DLC1: variants seen among roughly 807,000 people sequenced by gnomAD.
The protein encoded by DLC1 is rho GTPase-activating protein 7.
Under a neutral mutation model 140.3 loss-of-function variants are expected in DLC1, and 54 were observed. That is an observed-to-expected ratio of 0.38 (90% CI 0.31 to 0.48). The LOEUF is 0.48. DLC1 is among the 20% of genes least tolerant of loss of function. The pLI, the probability that DLC1 is intolerant of heterozygous loss-of-function variation, is 0.96. For synonymous variants in DLC1, 986 were observed against 728.1 expected, an observed-to-expected ratio of 1.35 and a Z score of -5.70; for missense variants, 2,536 against 1,907.0, an observed-to-expected ratio of 1.33 and a Z score of -6.14.
chr8:13,517,526 T>C (rs1227211268), upstream of DLC1, among the ~76,000 whole-genome samples: 1 of 152,206 alleles, frequency 6.6e-6, no homozygotes, highest in African/African-American at 2.4e-5. Flanking sequence ...AAATCTCAGA[T>C]CTTATAGTCT....
intron 2 of DLC1, among the ~76,000 whole-genome samples, chr8:13,450,477 G>GAAAAAA: frequency 8.4e-6 from 1 of 118,454 alleles, no homozygotes; most frequent in African/African-American, 3.0e-5. Flanking sequence ...AAAAAAAAAG[G>GAAAAAA]CCGAAGAGAA....
intron 4 of DLC1, among the ~76,000 whole-genome samples, chr8:13,373,772 C>A (rs1014499885): frequency 1.3e-5 from 2 of 152,056 alleles, no homozygotes; most frequent in Admixed American, 1.3e-4. Context: ...TCTTCATGAA[C>A]GTCTTTAAAA....
intron 1 of DLC1, among the ~76,000 whole-genome samples, chr8:13,528,258 T>A (rs1802982691): frequency 6.6e-6 from 1 of 152,146 alleles, no homozygotes; most frequent in Admixed American, 6.5e-5. Flanking sequence ...TTAATTATCA[T>A]CTTGGATAAA....
chr8:13,382,498 T>C (rs1586244486), intron 4 of DLC1, among the ~76,000 whole-genome samples: 1 of 63,928 alleles, frequency 1.6e-5, no homozygotes, highest in South Asian at 6.9e-4. Flanking sequence ...ACAGCGAGAC[T>C]CCGTCTCAAA....
chr8:13,129,919 A>AT (rs1205034526), intron 5 of DLC1, among the ~76,000 whole-genome samples: 1 of 152,068 alleles, frequency 6.6e-6, no homozygotes, highest in African/African-American at 2.4e-5. Context: ...AGGGTCTTTT[A>AT]TTTTTGCATG....
chr8:13,139,105 A>G (rs1452644248), intron 5 of DLC1, among the ~76,000 whole-genome samples: 2 of 151,804 alleles, frequency 1.3e-5, no homozygotes, highest in Admixed American at 6.6e-5. Flanking sequence ...CAACACAAGG[A>G]GACCCCATCT....
At chr8:13,402,504 C>T (rs1386889665) in intron 2 of DLC1, among the ~76,000 whole-genome samples, 2 of 152,214 alleles carry the variant, frequency 1.3e-5, no homozygotes, top group Admixed American at 6.5e-5. Context: ...AAAGCAACAT[C>T]TACAGAGAAA....
At chr8:13,524,524 CA>C (rs990963276) in intron 1 of DLC1, among the ~76,000 whole-genome samples, 6 of 152,006 alleles carry the variant, frequency 3.9e-5, no homozygotes, top group Non-Finnish European at 8.8e-5. Context: ...ATCTATGAAA[CA>C]AAAAATTGTT....
chr8:13,374,551 G>A (rs890747538), intron 4 of DLC1, among the ~76,000 whole-genome samples: 4 of 152,154 alleles, frequency 2.6e-5, no homozygotes, highest in Admixed American at 1.3e-4. Flanking sequence ...GTGGGAGGCC[G>A]AGGCGGGTGG....
At chr8:13,582,279 C>T (rs1264700210) in intron 1 of DLC1, among the ~76,000 whole-genome samples, 1 of 152,050 alleles carries the variant, frequency 6.6e-6, no homozygotes, top group African/African-American at 2.4e-5. Context: ...AAGAAAACAC[C>T]AGTATACTAA....
chr8:13,353,172 T>C (rs1011345686), intron 4 of DLC1, among the ~76,000 whole-genome samples: 4 of 152,164 alleles, frequency 2.6e-5, no homozygotes, highest in African/African-American at 9.7e-5. Context: ...TTAGAGAAGT[T>C]AAACCCAGGT....
intron 4 of DLC1, among the ~76,000 whole-genome samples, chr8:13,369,189 C>G (rs1276178120): frequency 6.6e-6 from 1 of 152,110 alleles, no homozygotes; most frequent in Non-Finnish European, 1.5e-5. Flanking sequence ...TAAGTGCCTA[C>G]AGGCCTAGAG....
In DLC1 at chr8:13,466,935, G is replaced by T. The variant is rs546154514; in HGVS notation, c.1023+32114C>A. 8.2e-5 allele frequency among the ~76,000 whole-genome samples: 9 copies of T among 110,160 alleles called. No individual in the cohort carries two copies. In the East Asian group the frequency reaches 2.3e-3, roughly 28 times the overall value. 72.3% of individuals were successfully genotyped at this position (110,160 alleles called of 152,430 possible). On this transcript the variant is annotated intron_variant, in intron 2 of 17. Transcript: ENST00000276297. ...ATGTCAGAGTCAGTTAACAGTGGTT[G>T]TCTACTATTTCACAAAAAAAAAACC...
rs148362598 is a variant in DLC1, at chr8:13,445,209, T to C, written c.1024-43590A>G. Among the ~76,000 whole-genome samples the C allele has an allele frequency of 1.4e-4, 22 of 152,282 alleles. No individual in the cohort carries two copies. The East Asian group carries it at 4.2e-3, about 29-fold the overall frequency. ...ATGGTTGGATCTTATTGCATGCTCT[T>C]GGTGTCTCAATTTCTGTTCAAAAGT... On this transcript the variant is annotated intron_variant, in intron 2 of 17. Transcript: ENST00000276297.
At chr8:13,308,615 T>C (rs1244913735) in intron 4 of DLC1, among the ~76,000 whole-genome samples, 2 of 152,186 alleles carry the variant, frequency 1.3e-5, no homozygotes, top group African/African-American at 4.8e-5. Flanking sequence ...TGCCTCACAT[T>C]ATCCTAGATA....
intron 2 of DLC1, among the ~76,000 whole-genome samples, chr8:13,443,014 C>T (rs1798596681): frequency 6.6e-6 from 1 of 152,078 alleles, no homozygotes; most frequent in Non-Finnish European, 1.5e-5. Flanking sequence ...CCATGGAATA[C>T]TATGCAGCCA....
rs920833507 is a variant in DLC1 at position 13,084,694 on chromosome 8, G to C, written c.*1117C>G. On this transcript the variant is annotated 3_prime_UTR_variant, in exon 18 of 18. Transcript: ENST00000276297. ...AAAACCTATTTGCTGATAAGAACAA[G>C]CCCAATGAATAAACACATGTGGCTT... 1.3e-5 allele frequency: 2 copies of C among 151,664 alleles called. No homozygotes were observed. Among genetic ancestry groups the C allele is most frequent in the African/African-American group, 4.8e-5 (2 of 41,300 alleles). 9.4% of individuals were successfully genotyped at this position (151,664 alleles called of 1,614,324 possible).
intron 1 of DLC1, among the ~76,000 whole-genome samples, chr8:13,583,582 A>C (rs186244592): frequency 9.2e-5 from 14 of 152,346 alleles, no homozygotes; most frequent in Non-Finnish European, 1.5e-5. Context: ...AAAAAATGCA[A>C]TATAAGTTAG....
chr8:13,400,288 G>C (rs757469603), intron 3 of DLC1, among the ~76,000 whole-genome samples: 1 of 151,988 alleles, frequency 6.6e-6, no homozygotes, highest in African/African-American at 2.4e-5. Context: ...TGATCCGTGC[G>C]GTACTTCTTA....
Sources: allele counts gnomAD v4.1 joint callset (sites outside exome capture counted in the v4.1 genomes callset), GRCh38; gene constraint gnomAD v4.1.1; transcripts MANE v1.5; gene names NCBI Gene and HGNC (gene_info 2026-07-23, HGNC 2026-07-21).